KDM4B: variants seen among roughly 807,000 people sequenced by gnomAD.
The protein encoded by KDM4B is lysine-specific demethylase 4B.
A neutral mutation model predicts 125.2 loss-of-function variants in KDM4B; 32 were observed. The ratio of observed to expected loss-of-function variants is 0.26; its 90% CI spans 0.19 to 0.34. The LOEUF (loss-of-function observed/expected upper bound fraction) is 0.34. Among genes scored for constraint, KDM4B ranks in the 10% least tolerant of loss-of-function variants. KDM4B has a pLI of 1.00. For synonymous variants in KDM4B, 721 were observed against 677.9 expected, an observed-to-expected ratio of 1.06 and a Z score of -0.99; for missense variants, 1,190 against 1,577.7, an observed-to-expected ratio of 0.75 and a Z score of 4.16.
intron 2 of KDM4B, among the ~76,000 whole-genome samples, chr19:5,016,741 A>T (rs1349088469): frequency 6.6e-6 from 1 of 152,252 alleles, no homozygotes; most frequent in African/African-American, 2.4e-5. Context: ...AGTGGGGAGC[A>T]GTTAGAGCAG....
At chr19:4,978,879 G>C (rs573828097) in intron 1 of KDM4B, among the ~76,000 whole-genome samples, 1 of 152,210 alleles carries the variant, frequency 6.6e-6, no homozygotes, top group Non-Finnish European at 1.5e-5. Flanking sequence ...CCAGCTCCGC[G>C]TGAGAGTTGT....
chr19:4,975,326 T>A (rs2145291490), intron 1 of KDM4B, among the ~76,000 whole-genome samples: 1 of 152,316 alleles, frequency 6.6e-6, no homozygotes, highest in East Asian at 1.9e-4. Context: ...GTGCAATTTT[T>A]ACATTATAAG....
chr19:5,080,550 A>C (rs1220901550), intron 8 of KDM4B: 3 of 152,310 alleles, frequency 2.0e-5, no homozygotes, highest in Admixed American at 1.3e-4. Context: ...GAACACCGCC[A>C]CCAGATGCCA....
At chr19:5,126,651 T>C (rs2039454528) in intron 11 of KDM4B, among the ~76,000 whole-genome samples, 1 of 152,210 alleles carries the variant, frequency 6.6e-6, no homozygotes, top group South Asian at 2.1e-4. Flanking sequence ...AAGGCTGCCA[T>C]GTCTGGAGGG....
intron 11 of KDM4B, among the ~76,000 whole-genome samples, chr19:5,129,967 C>T (rs565415307): frequency 4.6e-5 from 7 of 152,346 alleles, no homozygotes; most frequent in Non-Finnish European, 7.3e-5. Flanking sequence ...CACAGAGCGC[C>T]GCTGGGCTCA....
chr19:5,080,438 G>A (rs537487576), intron 8 of KDM4B, among the ~76,000 whole-genome samples: 265 of 152,354 alleles, frequency 1.7e-3, no homozygotes, highest in South Asian at 3.7e-3. Flanking sequence ...GACGCGTTAC[G>A]AAGGAGCTGC....
intron 6 of KDM4B, among the ~76,000 whole-genome samples, chr19:5,057,051 TGTGTGTGTGTGTGTGC>T (rs1339488422): frequency 2.8e-5 from 4 of 142,828 alleles, no homozygotes; most frequent in African/African-American, 1.1e-4. Context: ...TGTGTGTGTG[TGTGTGTGTGTGTGTGC>T]GCGCGCGCGC....
chr19:5,063,142 C>T (rs1025757756), intron 6 of KDM4B, among the ~76,000 whole-genome samples: 2 of 151,970 alleles, frequency 1.3e-5, no homozygotes, highest in African/African-American at 4.8e-5. Flanking sequence ...TCCTGGTTGC[C>T]TGAGAATTTT....
At chr19:5,011,121 C>T (rs1488473307) in intron 1 of KDM4B, among the ~76,000 whole-genome samples, 1 of 152,186 alleles carries the variant, frequency 6.6e-6, no homozygotes, top group African/African-American at 2.4e-5. Context: ...TCAAGCCTTC[C>T]CTTCCTCTCA....
Position 5,105,087 on chromosome 19 carries a change from GC to G in KDM4B, c.919-5531del, listed in dbSNP as rs535832215. Among the ~76,000 whole-genome samples, 269 of 152,328 alleles carry G rather than the reference GC, an allele frequency of 1.8e-3. 2 individuals carry two copies. Among genetic ancestry groups the G allele is most frequent in the African/African-American group, 6.3e-3 (260 of 41,588 alleles). On this transcript the variant is annotated intron_variant, in intron 9 of 22. Transcript: ENST00000159111. Reference sequence around the variant, plus strand: ...TGCAAATGGCCCCGCTCCCTGAGCTGCCCCTGAGTTCTGGGGGCAGCGTGCC... The same window carrying G: ...TGCAAATGGCCCCGCTCCCTGAGCTGCCCTGAGTTCTGGGGGCAGCGTGCC...
chr19:5,017,066 T>A (rs961329022), intron 2 of KDM4B, among the ~76,000 whole-genome samples: 1 of 152,206 alleles, frequency 6.6e-6, no homozygotes, highest in Non-Finnish European at 1.5e-5. Context: ...GGCTGCCTTG[T>A]GCGGCGTCGC....
chr19:5,131,105 A>G lies in KDM4B; in HGVS notation c.1345A>G (p.Lys449Glu), dbSNP rs1414496465. The G allele has an allele frequency of 6.6e-7, 1 of 1,516,036 alleles. No individual in the cohort carries two copies. The highest frequency in any genetic ancestry group is 8.8e-7 in the Non-Finnish European group (1 of 1,131,800). 93.9% of individuals were successfully genotyped at this position (1,516,036 alleles called of 1,614,324 possible). Residue 449 changes from lysine (K) to glutamate (E), a missense_variant, in exon 12 of 23, where the codon AAG (lysine) becomes GAG (glutamate). Physicochemically the swap from Lys to Glu is moderately conservative, Grantham distance 56 (BLOSUM62 1). Around this residue, in one of 7 missense-constraint regions of KDM4B, gnomAD observed 428 missense variants for 405.1 expected, o/e 1.06. Transcript: ENST00000159111. The part of the protein sequence containing the change: ...EDGRGKLRPT[K>E]AKSERKKKSF... The stretch of plus-strand genomic sequence containing the variant: ...CGGGAGGGGCAAGCTGCGGCCAACC[A>G]AGGCCAAGAGCGAGCGGAAGAAGAA...
intron 6 of KDM4B, among the ~76,000 whole-genome samples, chr19:5,064,308 G>A (rs572746391): frequency 3.5e-4 from 53 of 152,334 alleles, no homozygotes; most frequent in African/African-American, 1.1e-3. Context: ...CTGTGTCTGC[G>A]ATGATAGCGC....
At chr19:5,050,778 T>C in intron 6 of KDM4B, among the ~76,000 whole-genome samples, 1 of 152,158 alleles carries the variant, frequency 6.6e-6, no homozygotes, top group African/African-American at 2.4e-5. Flanking sequence ...CAGGTGCCTA[T>C]AATCCCAGCT....
At position 5,152,762 on chromosome 19, in the gene KDM4B, C is replaced by T. The variant is rs1368797790; in HGVS notation, c.*1251C>T. 1.3e-5 allele frequency: 2 copies of T among 152,296 alleles called. No individual in the cohort carries two copies. The highest frequency in any genetic ancestry group is 4.8e-5 in the African/African-American group (2 of 41,464). 9.4% of individuals were successfully genotyped at this position (152,296 alleles called of 1,614,324 possible). On this transcript the variant is annotated 3_prime_UTR_variant, in exon 23 of 23. Coordinates refer to ENST00000159111, the MANE Select transcript of KDM4B (RefSeq NM_015015.3). ...CACCCCTCTGGGGAGCCTTCCCCAC[C>T]TTAGCTGTCTCCTGCCCCAGGGAGG...
At chr19:5,137,725 C>T in intron 17 of KDM4B, 49 bp downstream of exon 17, 1 of 1,513,518 alleles carries the variant, frequency 6.6e-7, no homozygotes, top group Non-Finnish European at 8.9e-7. Context: ...GGAGCCTGCC[C>T]TGGGCTGAGG....
intron 1 of KDM4B, among the ~76,000 whole-genome samples, chr19:4,973,996 G>T (rs568081614): frequency 1.3e-5 from 2 of 152,016 alleles, no homozygotes; most frequent in Admixed American, 6.6e-5. Flanking sequence ...TGGGCGTGGC[G>T]GTGCACACCT....
intron 21 of KDM4B, among the ~76,000 whole-genome samples, chr19:5,147,734 C>T (rs931336488): frequency 1.4e-5 from 2 of 145,414 alleles, no homozygotes; most frequent in Non-Finnish European, 3.0e-5. Context: ...TGAAACAAAG[C>T]CCTGTCTCAA....
At chr19:5,006,765 T>G (rs906673435) in intron 1 of KDM4B, among the ~76,000 whole-genome samples, 62 of 141,636 alleles carry the variant, frequency 4.4e-4, no homozygotes, top group African/African-American at 1.6e-3. Flanking sequence ...AGAGCGAAAC[T>G]CCATCTCAAA....
Sources: allele counts gnomAD v4.1 joint callset (sites outside exome capture counted in the v4.1 genomes callset), GRCh38; gene constraint gnomAD v4.1.1; regional missense constraint gnomAD v4.1.1; transcripts MANE v1.5; gene names NCBI Gene and HGNC (gene_info 2026-07-23, HGNC 2026-07-21).